Variants in ZNF385D observed in about 807,000 individuals in gnomAD.
ZNF385D encodes the protein zinc finger protein 659.
A neutral mutation model predicts 35.8 loss-of-function variants in ZNF385D; 15 were observed. The observed-to-expected ratio is 0.42, with a 90% CI of 0.28 to 0.64. ZNF385D has a LOEUF of 0.64. Among genes scored for constraint, ZNF385D ranks in the 30% least tolerant of loss-of-function variants. The pLI is 0.23. For missense variants in ZNF385D, 474 were observed against 494.6 expected (o/e 0.96, Z 0.39); for synonymous variants, 212 against 186.8 (o/e 1.13, Z -1.10).
chr3:21,587,082 T>A (rs1381664063), intron 2 of ZNF385D, among the ~76,000 whole-genome samples: 1 of 152,052 alleles, frequency 6.6e-6, no homozygotes, highest in Non-Finnish European at 1.5e-5. Flanking sequence ...GAATGGAGAA[T>A]AGTATATCTG....
chr3:22,019,717 A>C (rs1283501428), intron 3 of ZNF385D, among the ~76,000 whole-genome samples: 1 of 151,952 alleles, frequency 6.6e-6, no homozygotes, highest in Non-Finnish European at 1.5e-5. Context: ...CTCTACATTT[A>C]TGCTTAGATG....
At chr3:21,461,753 A>C (rs17201334) in intron 4 of ZNF385D, among the ~76,000 whole-genome samples, 41,170 of 152,188 alleles carry the variant, frequency 0.27, 6,220 homozygotes, top group Middle Eastern at 0.42. Context: ...ATACACTATC[A>C]ACTTGTAGCT....
intron 3 of ZNF385D, among the ~76,000 whole-genome samples, chr3:21,829,298 T>A (rs1338309977): frequency 6.6e-6 from 1 of 151,964 alleles, no homozygotes; most frequent in Non-Finnish European, 1.5e-5. Flanking sequence ...CCAGAAAAAG[T>A]CTCTGAGATA....
chr3:21,446,929 TC>T (rs1310988869), intron 4 of ZNF385D, among the ~76,000 whole-genome samples: 5 of 152,062 alleles, frequency 3.3e-5, no homozygotes, highest in African/African-American at 9.7e-5. Flanking sequence ...AACCAGGGTT[TC>T]TTTTGTAAGA....
intron 1 of ZNF385D, among the ~76,000 whole-genome samples, chr3:21,694,563 C>T (rs1341695777): frequency 1.3e-5 from 2 of 152,152 alleles, no homozygotes; most frequent in Non-Finnish European, 2.9e-5. Flanking sequence ...TGCAGCATCC[C>T]TTGCTCGATA....
intron 3 of ZNF385D, among the ~76,000 whole-genome samples, chr3:21,802,209 G>A (rs1004935787): frequency 6.6e-6 from 1 of 152,136 alleles, no homozygotes; most frequent in South Asian, 2.1e-4. Flanking sequence ...TATTATCTAA[G>A]ATCTTACACT....
chr3:22,360,477 C>T (rs979852661), intron 2 of ZNF385D, among the ~76,000 whole-genome samples: 1 of 151,888 alleles, frequency 6.6e-6, no homozygotes. Flanking sequence ...ACATGTTCCA[C>T]TCTGTTTTCT....
intron 3 of ZNF385D, among the ~76,000 whole-genome samples, chr3:21,826,137 C>CTT (rs1342964646): frequency 6.6e-6 from 1 of 152,168 alleles, no homozygotes; most frequent in Non-Finnish European, 1.5e-5. Context: ...TCTTAAGTTG[C>CTT]TTTGACCAGA....
At chr3:22,062,935 G>C (rs976417176) in intron 3 of ZNF385D, among the ~76,000 whole-genome samples, 2 of 152,120 alleles carry the variant, frequency 1.3e-5, no homozygotes, top group Non-Finnish European at 2.9e-5. Flanking sequence ...TGCAGCCTGG[G>C]TGATGTCTCC....
intron 2 of ZNF385D, among the ~76,000 whole-genome samples, chr3:22,290,299 C>G (rs1293810855): frequency 6.6e-6 from 1 of 152,134 alleles, no homozygotes; most frequent in Non-Finnish European, 1.5e-5. Flanking sequence ...TGAATGCTCT[C>G]CTCAGACCAC....
chr3:22,217,649 ATAAT>A (rs575645899), intron 2 of ZNF385D, among the ~76,000 whole-genome samples: 128 of 152,282 alleles, frequency 8.4e-4, no homozygotes, highest in Middle Eastern at 6.8e-3. Context: ...TGTAAAAATC[ATAAT>A]TAATAACATT....
At chr3:21,705,316 C>G (rs1319377202) in intron 1 of ZNF385D, among the ~76,000 whole-genome samples, 2 of 152,112 alleles carry the variant, frequency 1.3e-5, no homozygotes, top group African/African-American at 4.8e-5. Context: ...CTAATAAGCT[C>G]TTTTAAAAAC....
chr3:21,666,862 G>A (rs577708760), intron 1 of ZNF385D, among the ~76,000 whole-genome samples: 2 of 152,136 alleles, frequency 1.3e-5, no homozygotes, highest in African/African-American at 4.8e-5. Context: ...TGGATCACTT[G>A]AAGTCAGGAG....
chr3:21,565,188 GA>G (rs1351519936), intron 2 of ZNF385D, among the ~76,000 whole-genome samples: 3 of 151,670 alleles, frequency 2.0e-5, no homozygotes, highest in Admixed American at 6.6e-5. Flanking sequence ...TCCAATAATT[GA>G]AACATATGGA....
At chr3:22,360,490 A>G (rs1221130332) in intron 2 of ZNF385D, among the ~76,000 whole-genome samples, 1 of 151,924 alleles carries the variant, frequency 6.6e-6, no homozygotes, top group Non-Finnish European at 1.5e-5. Context: ...TGTTTTCTAT[A>G]TACTCGAGGA....
In ZNF385D at chr3:22,257,321, A is replaced by G. The variant is rs189464668; in HGVS notation, c.107-88286T>C. Among the ~76,000 whole-genome samples the G allele has an allele frequency of 2.9e-3, 439 of 151,834 alleles. 1 individual carries two copies. The highest frequency in any genetic ancestry group is 0.01 in the African/African-American group (427 of 41,510). Reference sequence around the variant, plus strand: ...TGTTTCATTCCTTTTTATTTCTTCAATTAAGGAAACCACCATCAAGCATTA... The same window carrying G: ...TGTTTCATTCCTTTTTATTTCTTCAGTTAAGGAAACCACCATCAAGCATTA... On this transcript the variant is annotated intron_variant, in intron 2 of 5. Coordinates refer to the ZNF385D transcript ENST00000494108.
chr3:21,463,099 T>G (rs1271216120), intron 4 of ZNF385D, among the ~76,000 whole-genome samples: 1 of 152,148 alleles, frequency 6.6e-6, no homozygotes, highest in Non-Finnish European at 1.5e-5. Flanking sequence ...TTTTTTAAAG[T>G]AGGTTAAGGT....
At chr3:22,032,689 G>A (rs1698074934) in intron 3 of ZNF385D, among the ~76,000 whole-genome samples, 1 of 152,154 alleles carries the variant, frequency 6.6e-6, no homozygotes, top group East Asian at 1.9e-4. Flanking sequence ...TTAAATAAAA[G>A]CAGGCAGTTA....
chr3:22,253,355 A>G (rs938817541), intron 2 of ZNF385D, among the ~76,000 whole-genome samples: 3 of 150,088 alleles, frequency 2.0e-5, no homozygotes, highest in Non-Finnish European at 2.9e-5. Context: ...AAGCAATTAG[A>G]AAAAAAATAG....
Sources: gnomAD v4.1 joint callset for allele counts (sites outside exome capture counted in the v4.1 genomes callset) on GRCh38, gnomAD v4.1.1 for gene constraint, MANE v1.5 for transcripts, NCBI Gene and HGNC (gene_info 2026-07-23, HGNC 2026-07-21) for gene names.